Variants in KCNIP4 observed in about 807,000 individuals in gnomAD.
KCNIP4 encodes the protein Kv channel-interacting protein 4.
KCNIP4 carries 12 observed loss-of-function variants against 34.0 expected under a neutral mutation model. That is an observed-to-expected ratio of 0.35 (90% CI 0.23 to 0.57). The LOEUF is 0.57. Ranked by LOEUF, KCNIP4 falls within the 20% of genes least tolerant of loss-of-function variation. The pLI is 0.83. For missense variants in KCNIP4, 238 were observed against 311.7 expected (o/e 0.76, Z 1.78); for synonymous variants, 124 against 102.2 (o/e 1.21, Z -1.29).
At chr4:21,726,910 T>A (rs1018808470) in intron 1 of KCNIP4, among the ~76,000 whole-genome samples, 5 of 152,202 alleles carry the variant, frequency 3.3e-5, no homozygotes, top group Admixed American at 1.3e-4. Flanking sequence ...GGAAAGTAGA[T>A]TCTTCCATTA....
At chr4:20,954,030 T>C (rs1348841438) in intron 1 of KCNIP4, among the ~76,000 whole-genome samples, 1 of 152,162 alleles carries the variant, frequency 6.6e-6, no homozygotes, top group Non-Finnish European at 1.5e-5. Context: ...CGTGCAAGAA[T>C]CACAAATTAA....
At chr4:21,840,933 T>G (rs549585248) in intron 1 of KCNIP4, among the ~76,000 whole-genome samples, 2 of 152,310 alleles carry the variant, frequency 1.3e-5, no homozygotes, top group Non-Finnish European at 2.9e-5. Context: ...TTTCTATTGC[T>G]GACAACCAAA....
chr4:21,323,148 ATATATATATATATATG>A (rs1013618340), intron 1 of KCNIP4, among the ~76,000 whole-genome samples: 11 of 77,594 alleles, frequency 1.4e-4, no homozygotes, highest in Non-Finnish European at 2.3e-4. Flanking sequence ...TTGTAAGTAT[ATATATATATATATATG>A]TATATATATA....
At chr4:21,939,427 G>A (rs1730068680) in intron 1 of KCNIP4, among the ~76,000 whole-genome samples, 1 of 152,062 alleles carries the variant, frequency 6.6e-6, no homozygotes, top group African/African-American at 2.4e-5. Context: ...TAAAAGATGA[G>A]ATTTATTCTA....
rs1319888500 is a variant in KCNIP4, at chr4:21,869,656, T to TTTC, written c.61+78912_61+78914dup. Among the ~76,000 whole-genome samples the TTTC allele has an allele frequency of 4.3e-5, 5 of 117,404 alleles. No individual in the cohort carries two copies. The Admixed American group carries it at 4.9e-4, about 12-fold the overall frequency. 77.0% of individuals were successfully genotyped at this position (117,404 alleles called of 152,430 possible). A position where few individuals can be genotyped will look rare whatever the true frequency, so the allele number is the denominator to read the frequency against. The stretch of plus-strand genomic sequence containing the variant: ...TATGTTTTCACTTTTAGGAATTTTT[T>TTTC]TTCCTTTAGGGCTTACGCTTAATAT... On this transcript the variant is annotated intron_variant, in intron 1 of 8. Transcript: ENST00000382152.
chr4:21,540,789 G>A (rs1034871389), intron 1 of KCNIP4, among the ~76,000 whole-genome samples: 1 of 152,272 alleles, frequency 6.6e-6, no homozygotes, highest in Non-Finnish European at 1.5e-5. Flanking sequence ...AGGCCCTGCT[G>A]TAGGTGTTCA....
chr4:21,545,967 C>T (rs1317380535), intron 1 of KCNIP4, among the ~76,000 whole-genome samples: 1 of 152,116 alleles, frequency 6.6e-6, no homozygotes, highest in Non-Finnish European at 1.5e-5. Context: ...ACACTGTCTT[C>T]CACAATGGTT....
intron 1 of KCNIP4, among the ~76,000 whole-genome samples, chr4:21,615,871 G>A (rs1214039243): frequency 6.6e-6 from 1 of 152,088 alleles, no homozygotes; most frequent in Non-Finnish European, 1.5e-5. Flanking sequence ...ATCTCTCCAA[G>A]GCCACCACTT....
intron 1 of KCNIP4, among the ~76,000 whole-genome samples, chr4:21,393,866 G>T (rs1722756183): frequency 6.6e-6 from 1 of 152,156 alleles, no homozygotes; most frequent in South Asian, 2.1e-4. Context: ...GTAGAGTGTT[G>T]ATAAACACTC....
intron 1 of KCNIP4, among the ~76,000 whole-genome samples, chr4:21,196,026 C>T (rs1361422780): frequency 1.3e-5 from 2 of 152,168 alleles, no homozygotes; most frequent in Non-Finnish European, 1.5e-5. Context: ...TGATCTCTTC[C>T]TGCTCATTTC....
intron 1 of KCNIP4, among the ~76,000 whole-genome samples, chr4:21,258,015 C>T (rs1237195404): frequency 6.6e-6 from 1 of 152,112 alleles, no homozygotes; most frequent in East Asian, 1.9e-4. Context: ...TTACTTTGTC[C>T]TTAGAATCAA....
intron 2 of KCNIP4, among the ~76,000 whole-genome samples, chr4:20,877,557 C>T (rs1203555550): frequency 6.6e-6 from 1 of 152,024 alleles, no homozygotes; most frequent in African/African-American, 2.4e-5. Flanking sequence ...CTTCAGTTTC[C>T]TCATATGTAA....
chr4:21,536,065 CCAAA>C lies in KCNIP4; in HGVS notation c.61+412502_61+412505del, dbSNP rs1737140324. 2.0e-5 allele frequency among the ~76,000 whole-genome samples: 3 copies of C among 152,114 alleles called. 1 individual carries two copies. In the South Asian group the frequency reaches 6.2e-4, roughly 31 times the overall value. ...GACAGTGATTCCTGGAGACTCTCAC[CCAAA>C]CAAACTCTCACAGAAACTAGGCAAC... is the stretch of plus-strand genomic sequence containing the variant. On this transcript the variant is annotated intron_variant, in intron 1 of 8. Coordinates refer to ENST00000382152, the MANE Select transcript of KCNIP4 (RefSeq NM_025221.6).
chr4:20,749,556 G>T, intron 5 of KCNIP4, 106 bp downstream of exon 5: 1 of 700,038 alleles, frequency 1.4e-6, no homozygotes, highest in East Asian at 2.8e-5. Context: ...GTGTCCTTGG[G>T]CTTTCTTTCC....
At chr4:21,300,246 T>G (rs891669272) in intron 1 of KCNIP4, among the ~76,000 whole-genome samples, 3 of 152,170 alleles carry the variant, frequency 2.0e-5, no homozygotes, top group African/African-American at 7.2e-5. Context: ...AATTTCTCCC[T>G]GGAATGCATT....
intron 1 of KCNIP4, among the ~76,000 whole-genome samples, chr4:21,877,190 T>A: frequency 6.6e-6 from 1 of 151,974 alleles, no homozygotes; most frequent in Non-Finnish European, 1.5e-5. Flanking sequence ...ACATCTCTAC[T>A]GAAAATACAA....
chr4:20,882,568 G>C, intron 2 of KCNIP4, 40 bp downstream of exon 2: 1 of 1,409,236 alleles, frequency 7.1e-7, no homozygotes, highest in Non-Finnish European at 1.0e-6. Flanking sequence ...AACGAAACAA[G>C]AGTTTCGGAG....
intron 2 of KCNIP4, 140 bp from the exon 3 acceptor site, chr4:20,850,807 A>T: frequency 1.2e-6 from 1 of 867,808 alleles, no homozygotes; most frequent in South Asian, 2.7e-5. Context: ...AATGCCTATA[A>T]GGCCTTTACA....
intron 1 of KCNIP4, among the ~76,000 whole-genome samples, chr4:21,444,560 T>G (rs1727801765): frequency 6.6e-6 from 1 of 152,184 alleles, no homozygotes; most frequent in African/African-American, 2.4e-5. Flanking sequence ...AAAAGGCTTT[T>G]GACAAAATTC....
Sources: allele counts gnomAD v4.1 joint callset (sites outside exome capture counted in the v4.1 genomes callset), GRCh38; gene constraint gnomAD v4.1.1; transcripts MANE v1.5; gene names NCBI Gene and HGNC (gene_info 2026-07-23, HGNC 2026-07-21).